Variants in TOGARAM2 observed in about 807,000 individuals in gnomAD.
TOGARAM2 encodes the protein TOG array regulator of axonemal microtubules 2.
TOGARAM2 carries 85 observed loss-of-function variants against 93.3 expected under a neutral mutation model. That is an observed-to-expected ratio of 0.91 (90% CI 0.76 to 1.09). The LOEUF is 1.09. Among genes scored for constraint, TOGARAM2 ranks in the 50% least tolerant of loss-of-function variants. The probability of loss-of-function intolerance (pLI) is 0.00; values close to 1 mark genes in which losing one functional copy is unlikely to be tolerated. For synonymous variants in TOGARAM2, 593 were observed against 552.8 expected, an observed-to-expected ratio of 1.07 and a Z score of -1.02; for missense variants, 1,277 against 1,334.5, an observed-to-expected ratio of 0.96 and a Z score of 0.67.
At chr2:29,016,435 G>A (rs960683330) in intron 8 of TOGARAM2, among the ~76,000 whole-genome samples, 21 of 152,204 alleles carry the variant, frequency 1.4e-4, no homozygotes, top group African/African-American at 5.1e-4. Context: ...CTGTGGATGT[G>A]GAAGATATTA....
chr2:28,995,233 C>T (rs1672934831), intron 2 of TOGARAM2, among the ~76,000 whole-genome samples: 1 of 152,234 alleles, frequency 6.6e-6, no homozygotes, highest in South Asian at 2.1e-4. Context: ...GTTTCCTTAG[C>T]CAACCAAGTG....
In TOGARAM2 at chr2:29,020,811, A is replaced by G. The variant is rs1320797564; in HGVS notation, c.1361-1347A>G. On this transcript the variant is annotated intron_variant, in intron 10 of 19. Transcript: ENST00000379558. ...TTGGATATTACCTCCTGCCTTTCAGAGAGTGACTGAAATAACTGATTAAGA... is the reference window on the plus strand; with the variant it reads ...TTGGATATTACCTCCTGCCTTTCAGGGAGTGACTGAAATAACTGATTAAGA... Among the ~76,000 whole-genome samples the G allele has an allele frequency of 4.6e-5, 7 of 152,364 alleles. 1 individual carries two copies. In the South Asian group the frequency reaches 6.2e-4, roughly 14 times the overall value.
At chr2:29,050,497 C>T (rs1284954065) in intron 19 of TOGARAM2, 1 of 152,198 alleles carries the variant, frequency 6.6e-6, no homozygotes, top group African/African-American at 2.4e-5. Flanking sequence ...CTGCTTTGCC[C>T]TTTGCCTTGA....
At chr2:29,040,049 A>T (rs1666339730) in intron 18 of TOGARAM2, among the ~76,000 whole-genome samples, 1 of 152,230 alleles carries the variant, frequency 6.6e-6, no homozygotes, top group Non-Finnish European at 1.5e-5. Context: ...CTCTGACTTT[A>T]AATTTATTAC....
intron 3 of TOGARAM2, 117 bp from the exon 4 acceptor site, chr2:28,999,064 G>T: frequency 9.4e-7 from 1 of 1,058,440 alleles, no homozygotes; most frequent in Non-Finnish European, 1.3e-6. Context: ...TTAAATGACT[G>T]GGTTTCACCA....
chr2:29,029,861 G>T (rs2148364658), intron 14 of TOGARAM2, among the ~76,000 whole-genome samples: 1 of 152,012 alleles, frequency 6.6e-6, no homozygotes, highest in African/African-American at 2.4e-5. Flanking sequence ...TATACTGCTC[G>T]GGTGATGGGT....
intron 6 of TOGARAM2, among the ~76,000 whole-genome samples, chr2:29,011,035 G>A (rs1335037575): frequency 1.3e-5 from 2 of 152,182 alleles, no homozygotes; most frequent in Non-Finnish European, 1.5e-5. Flanking sequence ...GAGCTCTCAC[G>A]GGGTTGGGGC....
At chr2:29,000,670 C>T (rs573459494) in intron 4 of TOGARAM2, among the ~76,000 whole-genome samples, 1 of 152,232 alleles carries the variant, frequency 6.6e-6, no homozygotes, top group African/African-American at 2.4e-5. Flanking sequence ...GCCGTCAAGC[C>T]TGGGGTTGTG....
intron 6 of TOGARAM2, among the ~76,000 whole-genome samples, chr2:29,010,438 C>A (rs1664172828): frequency 6.6e-6 from 1 of 152,214 alleles, no homozygotes; most frequent in Non-Finnish European, 1.5e-5. Flanking sequence ...CTGATCTACG[C>A]CCAGGTTGAA....
chr2:29,021,623 TTAGC>T (rs1024878459), intron 10 of TOGARAM2, among the ~76,000 whole-genome samples: 3 of 152,196 alleles, frequency 2.0e-5, no homozygotes, highest in African/African-American at 7.2e-5. Flanking sequence ...TGGGTGCCAG[TTAGC>T]TACATTGTCT....
chr2:29,042,758 A>G (rs1052840575), intron 18 of TOGARAM2, among the ~76,000 whole-genome samples: 4 of 152,136 alleles, frequency 2.6e-5, no homozygotes, highest in African/African-American at 9.7e-5. Flanking sequence ...CCAGACGGGC[A>G]TTCTCTCTTA....
At chr2:29,024,460 G>C in intron 13 of TOGARAM2, 86 bp downstream of exon 13, 1 of 473,008 alleles carries the variant, frequency 2.1e-6, no homozygotes, top group East Asian at 6.4e-5. Context: ...AAGAAGGAGG[G>C]AAGGGTGCAG....
chr2:29,042,703 C>A (rs1666507243), intron 18 of TOGARAM2, among the ~76,000 whole-genome samples: 1 of 152,226 alleles, frequency 6.6e-6, no homozygotes, highest in South Asian at 2.1e-4. Flanking sequence ...CAGCTTAACT[C>A]TTTCCCTCTG....
chr2:29,005,255 G>A (rs1572681227), intron 6 of TOGARAM2, among the ~76,000 whole-genome samples: 1 of 149,402 alleles, frequency 6.7e-6, no homozygotes. Context: ...ATGTGTGTGA[G>A]TGCATGTGTG....
Position 28,999,206 on chromosome 2 carries a change from C to A in TOGARAM2, c.165C>A (p.Ala55=). 6.2e-7 allele frequency: 1 copy of A among 1,613,622 alleles called. No individual in the cohort carries two copies. Residue 55 remains alanine, a synonymous_variant, in exon 4 of 20, where the codon GCC becomes GCA. Coordinates refer to ENST00000379558, the MANE Select transcript of TOGARAM2 (RefSeq NM_199280.4). ...GTTCTCTCCAGCCTGAGCCAAGAGCCCTGCTGAACAACGAGGAACCGTCAC... is the reference window on the plus strand; with the variant it reads ...GTTCTCTCCAGCCTGAGCCAAGAGCACTGCTGAACAACGAGGAACCGTCAC... ...GEGSLQPEPR[A]LLNNEEPSQL...
At chr2:29,005,672 GCA>G (rs1241864035) in intron 6 of TOGARAM2, among the ~76,000 whole-genome samples, 8 of 54,990 alleles carry the variant, frequency 1.5e-4, no homozygotes, top group African/African-American at 3.2e-4. Flanking sequence ...GCATGTGTGA[GCA>G]TGCATGTGAG....
At chr2:29,027,123 G>A in intron 14 of TOGARAM2, 112 bp downstream of exon 14, 2 of 1,140,888 alleles carry the variant, frequency 1.8e-6, no homozygotes, top group Non-Finnish European at 2.4e-6. Context: ...GGACAGGCAG[G>A]TAGGCGGAAG....
Position 29,002,704 on chromosome 2 carries a change from G to T in TOGARAM2, c.596G>T (p.Gly199Val), listed in dbSNP as rs759588871. ...AAAGAGAAGGGCCTGGACCTACCGG[G>T]GAGCATTCCGGGTCCTCACGAGTTG... is the stretch of plus-strand genomic sequence containing the variant. The part of the protein sequence containing the change: ...GVKEKGLDLP[G>V]SIPGPHELRP... Residue 199 changes from glycine to valine, a missense_variant, in exon 5 of 20, where the codon GGG becomes GTG. Transcript: ENST00000379558. 5 of 1,613,922 alleles carry T rather than the reference G, an allele frequency of 3.1e-6. No homozygotes were observed. Among genetic ancestry groups the T allele is most frequent in the Non-Finnish European group, 4.2e-6 (5 of 1,179,864 alleles).
chr2:29,027,560 T>A (rs1431923459), intron 14 of TOGARAM2, among the ~76,000 whole-genome samples: 9 of 150,078 alleles, frequency 6.0e-5, no homozygotes, highest in Admixed American at 6.0e-4. Flanking sequence ...AGGCCAGGAG[T>A]TGAGACTGGG....
Sources: allele counts gnomAD v4.1 joint callset (sites outside exome capture counted in the v4.1 genomes callset), GRCh38; gene constraint gnomAD v4.1.1; transcripts MANE v1.5; gene names NCBI Gene and HGNC (gene_info 2026-07-23, HGNC 2026-07-21).